The following CCDC90B variants were observed in gnomAD, a reference collection of about 807,000 sequenced individuals.
The protein encoded by CCDC90B is coiled-coil domain containing 90B, also known as coiled-coil domain-containing protein 90B, mitochondrial.
A neutral mutation model predicts 37.0 loss-of-function variants in CCDC90B; 24 were observed. The observed-to-expected ratio is 0.65, with a 90% CI of 0.47 to 0.91. CCDC90B has a LOEUF of 0.91. Ranked by LOEUF, CCDC90B falls within the 40% of genes least tolerant of loss-of-function variation. The pLI, the probability that CCDC90B is intolerant of heterozygous loss-of-function variation, is 0.00. For missense variants in CCDC90B, 319 were observed against 299.0 expected, an observed-to-expected ratio of 1.07 and a Z score of -0.49; for synonymous variants, 113 against 101.1, an observed-to-expected ratio of 1.12 and a Z score of -0.71.
In CCDC90B at chr11:83,261,884, A is replaced by G. The variant is rs761912727; in HGVS notation, c.*27T>C. The G allele has an allele frequency of 1.3e-5, 21 of 1,561,224 alleles. 1 individual carries two copies. In the South Asian group the frequency reaches 2.5e-4, roughly 18 times the overall value. ...CCCGGTTTGGTGTTCTAAGAAGCCA[A>G]CAGCCACAGCAGGATGAGCATTAAT... On this transcript the variant is annotated 3_prime_UTR_variant, in exon 9 of 9. Coordinates refer to ENST00000529689, the MANE Select transcript of CCDC90B (RefSeq NM_021825.5).
At position 83,286,326 on chromosome 11, in the gene CCDC90B, C is replaced by G. The variant is rs1297845754; in HGVS notation, c.-354G>C. 3.7e-6 allele frequency: 3 copies of G among 804,442 alleles called. No individual in the cohort carries two copies. Among genetic ancestry groups the G allele is most frequent in the Non-Finnish European group, 5.8e-6 (3 of 521,104 alleles). The allele number at this position is 804,442 out of a possible 1,614,324, so 49.8% of individuals were successfully genotyped here. A position where few individuals can be genotyped will look rare whatever the true frequency, so the allele number is the denominator to read the frequency against. On this transcript the variant is annotated 5_prime_UTR_variant, in exon 1 of 9. Transcript: ENST00000529689. ...CAGCTGGCTCCCCCAAGATAGCCAGCGGCCATTACGCGCTTGGGTCGGGGG... is the reference window on the plus strand; with the variant it reads ...CAGCTGGCTCCCCCAAGATAGCCAGGGGCCATTACGCGCTTGGGTCGGGGG...
intron 7 of CCDC90B, among the ~76,000 whole-genome samples, chr11:83,273,045 ATAT>A (rs1296090101): frequency 2.0e-5 from 3 of 152,150 alleles, no homozygotes; most frequent in African/African-American, 7.2e-5. Flanking sequence ...ACTGAAATGA[ATAT>A]TAAGTGAATT....
Position 83,273,898 on chromosome 11 carries a change from C to G in CCDC90B, c.469-34G>C, listed in dbSNP as rs1453109465. ...AAAGCAAAGATATTTAAAAAATGAT[C>G]TTGTAACGAATATTTGTTCTGAAAT... On this transcript the variant is annotated intron_variant, in intron 5 of 8. Transcript: ENST00000529689. The G allele has an allele frequency of 3.1e-6, 5 of 1,594,156 alleles. No individual in the cohort carries two copies. The East Asian group carries it at 1.1e-4, about 36-fold the overall frequency.
At chr11:83,270,801 A>G (rs189690362) in intron 7 of CCDC90B, among the ~76,000 whole-genome samples, 33 of 152,374 alleles carry the variant, frequency 2.2e-4, no homozygotes, top group Admixed American at 2.0e-3. Flanking sequence ...ACCAAAAAAG[A>G]GCCCGCATGG....
At chr11:83,267,964 T>TAAAGG (rs1246596887) in intron 7 of CCDC90B, among the ~76,000 whole-genome samples, 1 of 151,280 alleles carries the variant, frequency 6.6e-6, no homozygotes, top group African/African-American at 2.4e-5. Context: ...TCAACATTCT[T>TAAAGG]ATAGAATTTT....
chr11:83,273,852 G>A lies in CCDC90B; in HGVS notation c.481C>T (p.Arg161Ter), dbSNP rs1030353364. The change falls in exon 6 of 9, where the codon CGA becomes TGA. Residue 161 changes from arginine (R) to a stop codon, truncating the protein, a stop_gained. Coordinates refer to ENST00000529689, the MANE Select transcript of CCDC90B (RefSeq NM_021825.5). LOFTEE classifies it high-confidence loss of function. ...TCCAGTTTATTATCTGCTCTGATTC[G>A]ACTGGTTTCATGCTTTAAAGAAAGC... is the stretch of plus-strand genomic sequence containing the variant. The part of the protein sequence containing the change: ...VKQQLMHETS[R>*]IRADNKLDIN... 5 of 1,607,790 alleles carry A rather than the reference G, an allele frequency of 3.1e-6. No homozygotes were observed. Among genetic ancestry groups the A allele is most frequent in the African/African-American group, 1.3e-5 (1 of 74,492 alleles).
chr11:83,282,935 G>A (rs776592621), intron 1 of CCDC90B, among the ~76,000 whole-genome samples: 10 of 152,208 alleles, frequency 6.6e-5, no homozygotes, highest in Non-Finnish European at 1.0e-4. Flanking sequence ...ATTAGAACTA[G>A]ATAGTTTTAT....
In CCDC90B at chr11:83,262,282, CATG is replaced by C. The variant is rs1165208587; in HGVS notation, c.710-319_710-317del. Among the ~76,000 whole-genome samples the C allele has an allele frequency of 2.0e-5, 3 of 152,066 alleles. No homozygotes were observed. The East Asian group carries it at 5.8e-4, about 29-fold the overall frequency. On this transcript the variant is annotated intron_variant, in intron 8 of 8. Transcript: ENST00000529689. ...AATTATAAGCTCTAATTTCAGATCTCATGATAAATGAAATCTTTCTTATATTAA... is the reference window on the plus strand; with the variant it reads ...AATTATAAGCTCTAATTTCAGATCTCATAAATGAAATCTTTCTTATATTAA...
chr11:83,286,181 G>A lies in CCDC90B; in HGVS notation c.-209C>T. On this transcript the variant is annotated 5_prime_UTR_variant, in exon 1 of 9. Coordinates refer to ENST00000529689, the MANE Select transcript of CCDC90B (RefSeq NM_021825.5). ...CCACAGTTCGCGAGCATGGCTCAGC[G>A]CTGCCCCGCTTCTCCCAGCGCCCCT... is the stretch of plus-strand genomic sequence containing the variant. 1 of 1,534,676 alleles carries A rather than the reference G, an allele frequency of 6.5e-7. No individual in the cohort carries two copies.
rs766546437 is a variant in CCDC90B at position 83,274,001 on chromosome 11, A to T, written c.427-9T>A. 1.3e-6 allele frequency: 2 copies of T among 1,540,268 alleles called. No individual in the cohort carries two copies. Among genetic ancestry groups the T allele is most frequent in the East Asian group, 2.3e-5 (1 of 43,970 alleles). ...AATTCAATTTTCATTTTCTAGGTACAGGAAAGATCACATGCAATTAGCATT... is the reference window on the plus strand; with the variant it reads ...AATTCAATTTTCATTTTCTAGGTACTGGAAAGATCACATGCAATTAGCATT... On this transcript the variant is annotated splice_polypyrimidine_tract_variant and intron_variant, in intron 4 of 8. Coordinates refer to ENST00000529689, the MANE Select transcript of CCDC90B (RefSeq NM_021825.5).
In CCDC90B at chr11:83,261,448, CA is replaced by C. The variant is rs1402121197; in HGVS notation, c.*462del. The C allele has an allele frequency of 6.6e-6, 1 of 152,196 alleles. No homozygotes were observed. Among genetic ancestry groups the C allele is most frequent in the Non-Finnish European group, 1.5e-5 (1 of 68,090 alleles). 9.4% of individuals were successfully genotyped at this position (152,196 alleles called of 1,614,324 possible). A position where few individuals can be genotyped will look rare whatever the true frequency, so the allele number is the denominator to read the frequency against. The stretch of plus-strand genomic sequence containing the variant: ...TATATGGTAAGTCACTTTGAAAACC[CA>C]CACAACTTTGTTGTAATAATCTTTC... On this transcript the variant is annotated 3_prime_UTR_variant, in exon 9 of 9. Transcript: ENST00000529689.
intron 3 of CCDC90B, among the ~76,000 whole-genome samples, chr11:83,277,321 T>G (rs1865095400): frequency 6.6e-6 from 1 of 152,146 alleles, no homozygotes; most frequent in Non-Finnish European, 1.5e-5. Flanking sequence ...GAGTAACTAA[T>G]TAGATGTTTG....
rs376967345 is a variant in CCDC90B, at chr11:83,259,868, T to TATCA, written c.*2039_*2042dup. On this transcript the variant is annotated 3_prime_UTR_variant, in exon 9 of 9. Transcript: ENST00000529689. ...TTCATCTTAAGGCCAGTAAGCTTCT[T>TATCA]ATCACTGAACTCTAGAACTGGACAG... is the stretch of plus-strand genomic sequence containing the variant. 6.6e-6 allele frequency: 1 copy of TATCA among 152,392 alleles called. No individual in the cohort carries two copies. The highest frequency in any genetic ancestry group is 1.5e-5 in the Non-Finnish European group (1 of 68,080). The allele number at this position is 152,392 out of a possible 1,614,324, so 9.4% of individuals were successfully genotyped here.
chr11:83,271,878 A>G (rs534696102), intron 7 of CCDC90B, among the ~76,000 whole-genome samples: 11 of 152,338 alleles, frequency 7.2e-5, no homozygotes, highest in African/African-American at 2.2e-4. Context: ...ATGTTCATCA[A>G]TGACAGACTG....
rs1459361995 is a variant in CCDC90B, at chr11:83,261,868, G to C, written c.*43C>G. ...TTCAAAGTAAATCTCTCCCGGTTTG[G>C]TGTTCTAAGAAGCCAACAGCCACAG... is the stretch of plus-strand genomic sequence containing the variant. On this transcript the variant is annotated 3_prime_UTR_variant, in exon 9 of 9. Coordinates refer to ENST00000529689, the MANE Select transcript of CCDC90B (RefSeq NM_021825.5). 2 of 1,404,942 alleles carry C rather than the reference G, an allele frequency of 1.4e-6. No individual in the cohort carries two copies. Among genetic ancestry groups the C allele is most frequent in the Admixed American group, 2.0e-5 (1 of 50,618 alleles). 87.0% of individuals were successfully genotyped at this position (1,404,942 alleles called of 1,614,324 possible).
At chr11:83,269,848 C>A (rs1215932607) in intron 7 of CCDC90B, among the ~76,000 whole-genome samples, 1 of 152,000 alleles carries the variant, frequency 6.6e-6, no homozygotes, top group Non-Finnish European at 1.5e-5. Flanking sequence ...GGCAGAGACA[C>A]AACAAAAAAA....
At chr11:83,274,572 T>C in intron 4 of CCDC90B, 67 bp downstream of exon 4, 1 of 891,608 alleles carries the variant, frequency 1.1e-6, no homozygotes, top group East Asian at 2.7e-5. Context: ...TATTAACTTA[T>C]TCCTTAAGTA....
chr11:83,264,440 T>A (rs645169), intron 8 of CCDC90B, among the ~76,000 whole-genome samples: 108,367 of 152,086 alleles, frequency 0.71, 39,381 homozygotes, highest in African/African-American at 0.84. Flanking sequence ...TTTCACTTTT[T>A]CGGCTTTTGA....
At chr11:83,283,886 T>TG (rs767555456) in intron 1 of CCDC90B, among the ~76,000 whole-genome samples, 15 of 152,210 alleles carry the variant, frequency 9.9e-5, no homozygotes, top group South Asian at 2.1e-4. Flanking sequence ...CACCTGAGCC[T>TG]GGGAGGCACA....
Sources: allele counts gnomAD v4.1 joint callset (sites outside exome capture counted in the v4.1 genomes callset), GRCh38; gene constraint gnomAD v4.1.1; transcripts MANE v1.5; gene names NCBI Gene and HGNC (gene_info 2026-07-23, HGNC 2026-07-21).